SPAG16: variants seen among roughly 807,000 people sequenced by gnomAD.
SPAG16 encodes the protein sperm associated antigen 16, also known as sperm-associated antigen 16 protein.
Under a neutral mutation model 80.4 loss-of-function variants are expected in SPAG16, and 86 were observed. The observed-to-expected ratio is 1.07, with a 90% CI of 0.90 to 1.28. SPAG16 has a LOEUF of 1.28. Ranked by LOEUF, SPAG16 falls within the 50% of genes most tolerant of loss-of-function variation. The pLI is 0.00. For missense variants in SPAG16, 870 were observed against 765.3 expected (o/e 1.14, Z -1.61); for synonymous variants, 294 against 265.9 (o/e 1.11, Z -1.03).
At chr2:213,438,899 T>A (rs1031809152) in intron 9 of SPAG16, among the ~76,000 whole-genome samples, 1 of 152,202 alleles carries the variant, frequency 6.6e-6, no homozygotes, top group African/African-American at 2.4e-5. Flanking sequence ...TAAACATTTA[T>A]ATTGTTAACT....
intron 15 of SPAG16, among the ~76,000 whole-genome samples, chr2:214,370,508 TGTTAA>T (rs985990907): frequency 2.0e-5 from 3 of 152,218 alleles, no homozygotes; most frequent in Admixed American, 1.3e-4. Context: ...ACATACATAT[TGTTAA>T]GTTATTACCA....
chr2:214,064,154 T>C (rs1028078577), intron 13 of SPAG16, among the ~76,000 whole-genome samples: 1 of 152,124 alleles, frequency 6.6e-6, no homozygotes, highest in African/African-American at 2.4e-5. Flanking sequence ...TGGATATGAG[T>C]ATAGCTGTGA....
At chr2:214,023,176 G>A (rs2047965035) in intron 13 of SPAG16, among the ~76,000 whole-genome samples, 1 of 151,690 alleles carries the variant, frequency 6.6e-6, no homozygotes, top group Admixed American at 6.6e-5. Flanking sequence ...TGTTCAACAG[G>A]CCTTTGTTTT....
intron 10 of SPAG16, among the ~76,000 whole-genome samples, chr2:213,560,242 T>C (rs553946529): frequency 6.6e-6 from 1 of 152,202 alleles, no homozygotes; most frequent in Non-Finnish European, 1.5e-5. Context: ...GTATTTGGGA[T>C]ATAGAGGATT....
chr2:214,340,579 G>A (rs772793030), intron 15 of SPAG16, among the ~76,000 whole-genome samples: 6 of 152,160 alleles, frequency 3.9e-5, no homozygotes, highest in Non-Finnish European at 7.4e-5. Flanking sequence ...GGTGAACTGC[G>A]CACCTGCTGC....
intron 10 of SPAG16, among the ~76,000 whole-genome samples, chr2:213,621,962 C>G (rs1232012862): frequency 6.6e-6 from 1 of 152,088 alleles, no homozygotes; most frequent in Non-Finnish European, 1.5e-5. Flanking sequence ...AGTCTTAGAA[C>G]CATTGGAGGA....
intron 15 of SPAG16, 152 bp from the exon 16 acceptor site, chr2:214,409,988 T>G: frequency 1.4e-6 from 1 of 731,590 alleles, no homozygotes; most frequent in Non-Finnish European, 2.2e-6. Flanking sequence ...ACTTATTTCT[T>G]ATACCTACAG....
intron 13 of SPAG16, among the ~76,000 whole-genome samples, chr2:214,049,942 G>C (rs2049551347): frequency 6.6e-6 from 1 of 152,160 alleles, no homozygotes; most frequent in African/African-American, 2.4e-5. Flanking sequence ...AGAGTTTCTG[G>C]AAATAGTTTC....
At chr2:214,039,336 G>A (rs1460619365) in intron 13 of SPAG16, among the ~76,000 whole-genome samples, 1 of 152,160 alleles carries the variant, frequency 6.6e-6, no homozygotes. Context: ...CTGCATAAAT[G>A]TCTTCTTTTG....
At chr2:213,666,429 T>C (rs1202152501) in intron 10 of SPAG16, among the ~76,000 whole-genome samples, 1 of 152,202 alleles carries the variant, frequency 6.6e-6, no homozygotes, top group Non-Finnish European at 1.5e-5. Flanking sequence ...AAAGATTCAG[T>C]GATATCATTA....
intron 10 of SPAG16, among the ~76,000 whole-genome samples, chr2:213,619,209 A>G (rs191849638): frequency 5.9e-5 from 9 of 152,270 alleles, no homozygotes; most frequent in Non-Finnish European, 7.4e-5. Context: ...TCAACTCAAA[A>G]TGGATTAAAC....
intron 4 of SPAG16, among the ~76,000 whole-genome samples, chr2:213,310,970 G>C (rs1203543263): frequency 6.6e-6 from 1 of 151,726 alleles, no homozygotes; most frequent in Non-Finnish European, 1.5e-5. Flanking sequence ...AATTTGCAAT[G>C]TATGGATAAT....
chr2:213,592,085 T>C (rs2060712929), intron 10 of SPAG16, among the ~76,000 whole-genome samples: 1 of 152,208 alleles, frequency 6.6e-6, no homozygotes, highest in Non-Finnish European at 1.5e-5. Context: ...TTTATTCATA[T>C]TTTTAAAAGT....
intron 12 of SPAG16, among the ~76,000 whole-genome samples, chr2:213,994,370 C>T (rs980609227): frequency 4.0e-5 from 6 of 151,852 alleles, no homozygotes; most frequent in Admixed American, 3.9e-4. Context: ...AAGGAAGAGG[C>T]CATTGAATAA....
chr2:214,183,520 G>A (rs2057370646), intron 15 of SPAG16, among the ~76,000 whole-genome samples: 1 of 151,990 alleles, frequency 6.6e-6, no homozygotes, highest in South Asian at 2.1e-4. Flanking sequence ...AGGAAAAGGA[G>A]TGAAGTGGCT....
chr2:213,983,724 C>G (rs1286678966), intron 12 of SPAG16, among the ~76,000 whole-genome samples: 1 of 151,938 alleles, frequency 6.6e-6, no homozygotes, highest in Non-Finnish European at 1.5e-5. Context: ...GTTCATTTAG[C>G]TTGCTTGTCA....
intron 10 of SPAG16, among the ~76,000 whole-genome samples, chr2:213,794,484 T>C (rs1339189768): frequency 2.0e-5 from 3 of 152,114 alleles, no homozygotes; most frequent in Non-Finnish European, 4.4e-5. Flanking sequence ...CCTGGTCTTT[T>C]TGGGTACTTT....
chr2:214,055,064 T>C (rs570949200), intron 13 of SPAG16, among the ~76,000 whole-genome samples: 1 of 152,280 alleles, frequency 6.6e-6, no homozygotes, highest in East Asian at 1.9e-4. Context: ...TTTGGCAGGC[T>C]TTTAGCAGGA....
At chr2:213,994,655 T>A (rs1322144719) in intron 12 of SPAG16, among the ~76,000 whole-genome samples, 1 of 151,578 alleles carries the variant, frequency 6.6e-6, no homozygotes, top group Non-Finnish European at 1.5e-5. Flanking sequence ...GGATCTGAGA[T>A]GAAGTGGATT....
Sources: gnomAD v4.1 joint callset for allele counts (sites outside exome capture counted in the v4.1 genomes callset) on GRCh38, gnomAD v4.1.1 for gene constraint, MANE v1.5 for transcripts, NCBI Gene and HGNC (gene_info 2026-07-23, HGNC 2026-07-21) for gene names.